Variants in PTGIS observed in about 807,000 individuals in gnomAD.
PTGIS encodes prostacyclin synthase.
A neutral mutation model predicts 50.3 loss-of-function variants in PTGIS; 45 were observed. That is an observed-to-expected ratio of 0.90 (90% CI 0.70 to 1.15). The LOEUF is 1.15. Ranked by LOEUF, PTGIS falls within the 50% of genes most tolerant of loss-of-function variation. PTGIS has a pLI of 0.00. For synonymous variants in PTGIS, 260 were observed against 267.7 expected, an observed-to-expected ratio of 0.97 and a Z score of 0.28; for missense variants, 668 against 661.3, an observed-to-expected ratio of 1.01 and a Z score of -0.11.
At chr20:49,558,484 G>T (rs1305712043) in intron 1 of PTGIS, among the ~76,000 whole-genome samples, 1 of 152,234 alleles carries the variant, frequency 6.6e-6, no homozygotes, top group Non-Finnish European at 1.5e-5. Context: ...TCGTGCAGCT[G>T]CTTTGGAATG....
Position 49,552,529 on chromosome 20 carries a change from CTCTG to C in PTGIS, c.75-2344_75-2341del, listed in dbSNP as rs773748505. Among the ~76,000 whole-genome samples the C allele has an allele frequency of 9.7e-4, 146 of 150,804 alleles. 1 individual carries two copies. Among genetic ancestry groups the C allele is most frequent in the Non-Finnish European group, 1.5e-3 (98 of 66,940 alleles). On this transcript the variant is annotated intron_variant, in intron 1 of 9. Coordinates refer to ENST00000244043, the MANE Select transcript of PTGIS (RefSeq NM_000961.4). ...TCTCCCTCTTTCTTTCTCTCTCTCT[CTCTG>C]TCTGTCTCTCTCTCTCTTTAGAGAT...
chr20:49,514,935 G>A (rs73263223), intron 6 of PTGIS, among the ~76,000 whole-genome samples: 2,574 of 152,292 alleles, frequency 0.017, 65 homozygotes, highest in African/African-American at 0.058. Context: ...GAGACTTTGT[G>A]TTTCCACTTG....
chr20:49,519,843 G>A (rs993224464), intron 6 of PTGIS, among the ~76,000 whole-genome samples: 2 of 150,764 alleles, frequency 1.3e-5, no homozygotes, highest in Non-Finnish European at 2.9e-5. Flanking sequence ...ATCCAACAGC[G>A]GATCCTGTTG....
intron 1 of PTGIS, among the ~76,000 whole-genome samples, chr20:49,550,451 G>T (rs1055196355): frequency 6.6e-6 from 1 of 152,146 alleles, no homozygotes; most frequent in Non-Finnish European, 1.5e-5. Context: ...ACCACAGACT[G>T]TTTCTGTGAT....
rs986757487 is a variant in PTGIS, at chr20:49,506,163, C to G, written c.*1757G>C. On this transcript the variant is annotated 3_prime_UTR_variant, in exon 10 of 10. Coordinates refer to ENST00000244043, the MANE Select transcript of PTGIS (RefSeq NM_000961.4). Reference sequence around the variant, plus strand: ...TCTACAGCTTATGAGCTATGTGGCCCCAGGCAAGTCACCTCACCTCTCAGT... The same window carrying G: ...TCTACAGCTTATGAGCTATGTGGCCGCAGGCAAGTCACCTCACCTCTCAGT... The G allele has an allele frequency of 6.6e-6, 1 of 152,536 alleles. No homozygotes were observed. The highest frequency in any genetic ancestry group is 2.1e-4 in the South Asian group (1 of 4,830). 9.4% of individuals were successfully genotyped at this position (152,536 alleles called of 1,614,324 possible).
chr20:49,523,992 C>T, intron 6 of PTGIS, 66 bp downstream of exon 6: 1 of 1,577,470 alleles, frequency 6.3e-7, no homozygotes, highest in South Asian at 1.1e-5. Context: ...CATGCACACA[C>T]ACATGCGTTC....
intron 1 of PTGIS, among the ~76,000 whole-genome samples, chr20:49,559,235 C>A (rs1254458259): frequency 6.6e-6 from 1 of 152,108 alleles, no homozygotes; most frequent in African/African-American, 2.4e-5. Context: ...AGGTAACAAT[C>A]TTTTGTCCCC....
chr20:49,537,626 G>A (rs1330321371), intron 5 of PTGIS, among the ~76,000 whole-genome samples: 8 of 152,086 alleles, frequency 5.3e-5, no homozygotes, highest in African/African-American at 9.7e-5. Context: ...GTGGTGGTGC[G>A]TGCCTGTAAT....
intron 1 of PTGIS, among the ~76,000 whole-genome samples, chr20:49,561,249 A>G (rs1982766968): frequency 6.6e-6 from 1 of 152,004 alleles, no homozygotes; most frequent in South Asian, 2.1e-4. Context: ...GCTCGTGGGC[A>G]GGAGCAAATG....
chr20:49,525,572 C>G (rs2122856927), intron 5 of PTGIS, among the ~76,000 whole-genome samples: 1 of 151,416 alleles, frequency 6.6e-6, no homozygotes, highest in East Asian at 1.9e-4. Flanking sequence ...ATATTGTTTT[C>G]TTTTCTACTT....
Position 49,511,248 on chromosome 20 carries a change from A to G in PTGIS, c.1207-69T>C, listed in dbSNP as rs1375116394. The G allele has an allele frequency of 1.9e-6, 3 of 1,576,840 alleles. No individual in the cohort carries two copies. The African/African-American group carries it at 4.0e-5, about 21-fold the overall frequency. On this transcript the variant is annotated intron_variant, in intron 8 of 9. Transcript: ENST00000244043. ...AAGCTCACACCAAGAAAAATGTATG[A>G]GGATGTTCATGACAGTCATGTTTAT...
intron 1 of PTGIS, among the ~76,000 whole-genome samples, chr20:49,566,731 T>C (rs1485841697): frequency 1.3e-5 from 2 of 152,356 alleles, no homozygotes; most frequent in East Asian, 3.9e-4. Context: ...GTAATTTTTA[T>C]GTAAGAGTAA....
At chr20:49,559,831 T>C (rs1982719478) in intron 1 of PTGIS, among the ~76,000 whole-genome samples, 3 of 152,044 alleles carry the variant, frequency 2.0e-5, no homozygotes, top group Admixed American at 1.3e-4. Context: ...AATGGGTACA[T>C]GGTTTCTTTT....
At chr20:49,519,835 C>T (rs1037170565) in intron 6 of PTGIS, among the ~76,000 whole-genome samples, 1 of 151,336 alleles carries the variant, frequency 6.6e-6, no homozygotes, top group Non-Finnish European at 1.5e-5. Flanking sequence ...AAGGTCCCAT[C>T]CAACAGCGGA....
At chr20:49,564,867 A>T (rs1442185910) in intron 1 of PTGIS, among the ~76,000 whole-genome samples, 1 of 152,162 alleles carries the variant, frequency 6.6e-6, no homozygotes, top group Non-Finnish European at 1.5e-5. Flanking sequence ...CTTGGTCAGG[A>T]TAAAGAAATG....
chr20:49,518,774 G>A (rs186668739), intron 6 of PTGIS, among the ~76,000 whole-genome samples: 12 of 152,202 alleles, frequency 7.9e-5, no homozygotes, highest in Admixed American at 6.5e-4. Flanking sequence ...GATTCCACCC[G>A]AGTCTGTCTG....
chr20:49,514,320 C>G lies in PTGIS; in HGVS notation c.931G>C (p.Gly311Arg). Reference sequence around the variant, plus strand: ...TGCCAAAGGATACTCTCGAGCTCTCCGCGGACAGCAGCCAGGGCTTCAGGA... The same window carrying G: ...TGCCAAAGGATACTCTCGAGCTCTCGGCGGACAGCAGCCAGGGCTTCAGGA... ...KNPEALAAVR[G>R]ELESILWQAE... The change falls in exon 7 of 10, where the codon GGA becomes CGA. Residue 311 changes from glycine to arginine, a missense_variant. Transcript: ENST00000244043. The G allele has an allele frequency of 3.1e-6, 5 of 1,614,072 alleles. No individual in the cohort carries two copies. Among genetic ancestry groups the G allele is most frequent in the Non-Finnish European group, 4.2e-6 (5 of 1,180,036 alleles).
At chr20:49,510,692 T>C (rs1340773416) in intron 9 of PTGIS, among the ~76,000 whole-genome samples, 1 of 152,140 alleles carries the variant, frequency 6.6e-6, no homozygotes, top group Non-Finnish European at 1.5e-5. Context: ...TAACATGAAG[T>C]TCTGAACATG....
Position 49,511,070 on chromosome 20 carries a change from T to G in PTGIS, c.1316A>C (p.Asn439Thr), listed in dbSNP as rs766620469. 6.2e-7 allele frequency: 1 copy of G among 1,613,874 alleles called. No homozygotes were observed. Reference protein sequence around the residue: ...NYNMPWGAGHNHCLGRSYAVN... With the variant: ...NYNMPWGAGHTHCLGRSYAVN... ...CGCATAACTCCTCCCCAGGCAGTGA[T>G]TGTGCCCCGCCCCCCAGGGCATGTT... The change falls in exon 9 of 10, where the codon AAT becomes ACT. Residue 439 changes from asparagine to threonine, a missense_variant. Physicochemically the swap from Asn to Thr is moderately conservative, Grantham distance 65. Coordinates refer to ENST00000244043, the MANE Select transcript of PTGIS (RefSeq NM_000961.4).
Sources: gnomAD v4.1 joint callset for allele counts (sites outside exome capture counted in the v4.1 genomes callset) on GRCh38, gnomAD v4.1.1 for gene constraint, MANE v1.5 for transcripts, NCBI Gene and HGNC (gene_info 2026-07-23, HGNC 2026-07-21) for gene names.